ADAMTSL1: variants seen among roughly 807,000 people sequenced by gnomAD.
The protein encoded by ADAMTSL1 is ADAMTS like 1.
Under a neutral mutation model 201.8 loss-of-function variants are expected in ADAMTSL1, and 126 were observed. The ratio of observed to expected loss-of-function variants is 0.62; its 90% CI spans 0.54 to 0.72. The LOEUF is 0.72. ADAMTSL1 is among the 30% of genes least tolerant of loss of function. The pLI is 0.00. For missense variants in ADAMTSL1, 2,679 were observed against 2,277.8 expected, an observed-to-expected ratio of 1.18 and a Z score of -3.59; for synonymous variants, 1,121 against 903.4, an observed-to-expected ratio of 1.24 and a Z score of -4.32.
chr9:18,770,833 G>T (rs368488604), intron 17 of ADAMTSL1, 52 bp downstream of exon 17: 1 of 1,569,426 alleles, frequency 6.4e-7, no homozygotes, highest in Non-Finnish European at 8.7e-7. Context: ...GGAAAAGAAG[G>T]CACCCCAGAC....
chr9:18,840,354 G>GCC (rs1308229511), intron 23 of ADAMTSL1, among the ~76,000 whole-genome samples: 1 of 152,084 alleles, frequency 6.6e-6, no homozygotes, highest in African/African-American at 2.4e-5. Context: ...GTAGATCTAT[G>GCC]GCATTATTTC....
intron 1 of ADAMTSL1, among the ~76,000 whole-genome samples, chr9:17,907,892 A>G (rs1443906222): frequency 1.3e-5 from 2 of 152,148 alleles, no homozygotes; most frequent in Non-Finnish European, 2.9e-5. Context: ...TACTTGGGTA[A>G]TTCTGGGAAA....
intron 2 of ADAMTSL1, among the ~76,000 whole-genome samples, chr9:18,187,285 C>G (rs915312997): frequency 1.3e-5 from 2 of 152,104 alleles, no homozygotes; most frequent in Non-Finnish European, 2.9e-5. Context: ...CAATGTTTAT[C>G]ATTGTTCCTG....
At chr9:18,766,789 ATCATCTCCCAAAAG>A (rs1227595561) in intron 16 of ADAMTSL1, among the ~76,000 whole-genome samples, 1 of 151,922 alleles carries the variant, frequency 6.6e-6, no homozygotes, top group African/African-American at 2.4e-5. Flanking sequence ...TCATGACCTA[ATCATCTCCCAAAAG>A]TCCTCACCCC....
chr9:18,629,814 A>T (rs1576901), intron 5 of ADAMTSL1, among the ~76,000 whole-genome samples: 85,523 of 151,514 alleles, frequency 0.56, 24,688 homozygotes, highest in East Asian at 0.78. Context: ...GGAATTGAAT[A>T]TATTTATTCT....
At position 18,777,861 on chromosome 9, in the gene ADAMTSL1, C is replaced by G; in HGVS notation, c.3632C>G (p.Thr1211Ser). The G allele has an allele frequency of 1.3e-6, 2 of 1,578,026 alleles. No homozygotes were observed. The highest frequency in any genetic ancestry group is 1.7e-6 in the Non-Finnish European group (2 of 1,157,540). ...GAGGCCATCGGCCACCCAAGGCCTA[C>G]CATCAGCTGGGCCAGGAATGGAGAA... ...HCEAIGHPRP[T>S]ISWARNGEEV... is the part of the protein sequence containing the mutation. The change falls in exon 19 of 29, where the codon ACC becomes AGC. Residue 1211 changes from threonine (T) to serine (S), a missense_variant. Transcript: ENST00000380548.
chr9:18,515,188 T>G (rs1818289736), intron 2 of ADAMTSL1, among the ~76,000 whole-genome samples: 1 of 152,268 alleles, frequency 6.6e-6, no homozygotes, highest in Non-Finnish European at 1.5e-5. Context: ...CATCAGTAAT[T>G]TTTTCAAAGC....
intron 2 of ADAMTSL1, among the ~76,000 whole-genome samples, chr9:18,249,589 T>C (rs1312042254): frequency 2.0e-5 from 3 of 152,212 alleles, no homozygotes; most frequent in South Asian, 2.1e-4. Context: ...TTAGGCTACT[T>C]CAGCCTACTG....
At chr9:18,288,411 T>C (rs979818273) in intron 2 of ADAMTSL1, among the ~76,000 whole-genome samples, 2 of 152,210 alleles carry the variant, frequency 1.3e-5, no homozygotes, top group Non-Finnish European at 2.9e-5. Flanking sequence ...TCTTTAAATG[T>C]AGCAGTTCTG....
chr9:17,979,784 C>T (rs1818612655), intron 1 of ADAMTSL1, among the ~76,000 whole-genome samples: 1 of 152,030 alleles, frequency 6.6e-6, no homozygotes, highest in South Asian at 2.1e-4. Flanking sequence ...AATAGTGAAA[C>T]CCTTCATTGG....
chr9:17,976,532 G>A (rs940373368), intron 1 of ADAMTSL1, among the ~76,000 whole-genome samples: 18 of 151,020 alleles, frequency 1.2e-4, no homozygotes, highest in Non-Finnish European at 2.4e-4. Flanking sequence ...TTTTATTCTC[G>A]GAGAATTGGT....
chr9:18,878,866 A>G (rs1017389114), intron 23 of ADAMTSL1, among the ~76,000 whole-genome samples: 5 of 152,152 alleles, frequency 3.3e-5, no homozygotes, highest in Admixed American at 1.3e-4. Context: ...AGAGGCCACA[A>G]GGAGCTGAGA....
intron 2 of ADAMTSL1, among the ~76,000 whole-genome samples, chr9:18,452,603 G>C (rs1226262929): frequency 6.6e-6 from 1 of 152,180 alleles, no homozygotes; most frequent in East Asian, 1.9e-4. Flanking sequence ...CTATTAAACT[G>C]AAGTTATCTA....
At chr9:18,228,984 A>G (rs1394955863) in intron 2 of ADAMTSL1, among the ~76,000 whole-genome samples, 3 of 151,156 alleles carry the variant, frequency 2.0e-5, no homozygotes, top group Non-Finnish European at 4.4e-5. Context: ...GTTTCTCTTC[A>G]CGCGCTTGAT....
chr9:18,007,246 G>A (rs981308394), intron 1 of ADAMTSL1, among the ~76,000 whole-genome samples: 4 of 151,970 alleles, frequency 2.6e-5, no homozygotes, highest in African/African-American at 9.7e-5. Context: ...GTATTTTGTG[G>A]AACACAGCTT....
chr9:18,173,678 C>T (rs78930758), intron 2 of ADAMTSL1, among the ~76,000 whole-genome samples: 6 of 152,100 alleles, frequency 3.9e-5, no homozygotes, highest in Admixed American at 3.9e-4. Flanking sequence ...GCATTAAAAG[C>T]CCCAACACTA....
At chr9:18,410,743 G>A (rs1044978966) in intron 2 of ADAMTSL1, among the ~76,000 whole-genome samples, 3 of 152,024 alleles carry the variant, frequency 2.0e-5, no homozygotes, top group African/African-American at 7.3e-5. Context: ...ACCCAGTAAT[G>A]GGATTGCTGG....
intron 20 of ADAMTSL1, among the ~76,000 whole-genome samples, chr9:18,802,739 C>T (rs374162945): frequency 6.6e-6 from 1 of 152,054 alleles, no homozygotes; most frequent in Non-Finnish European, 1.5e-5. Flanking sequence ...AGTGAAATTT[C>T]TGGGTTGTTT....
At chr9:18,745,130 T>C (rs1269824815) in intron 15 of ADAMTSL1, among the ~76,000 whole-genome samples, 8 of 152,184 alleles carry the variant, frequency 5.3e-5, no homozygotes, top group Non-Finnish European at 7.3e-5. Context: ...CAATATGAGC[T>C]AAGTAGATAT....
Sources: gnomAD v4.1 joint callset for allele counts (sites outside exome capture counted in the v4.1 genomes callset) on GRCh38, gnomAD v4.1.1 for gene constraint, MANE v1.5 for transcripts, NCBI Gene and HGNC (gene_info 2026-07-23, HGNC 2026-07-21) for gene names.